The following ATAD2B variants were observed in gnomAD, a reference collection of about 807,000 sequenced individuals.
The protein encoded by ATAD2B is ATPase family AAA domain-containing protein 2B.
ATAD2B carries 40 observed loss-of-function variants against 167.6 expected under a neutral mutation model. The ratio of observed to expected loss-of-function variants is 0.24; its 90% CI spans 0.19 to 0.31. The LOEUF (loss-of-function observed/expected upper bound fraction) is 0.31, where lower values mean the gene tolerates loss of function less well. Ranked by LOEUF, ATAD2B falls within the 10% of genes least tolerant of loss-of-function variation. The pLI is 1.00. For synonymous variants in ATAD2B, 579 were observed against 596.5 expected, an observed-to-expected ratio of 0.97 and a Z score of 0.43; for missense variants, 1,242 against 1,757.2, an observed-to-expected ratio of 0.71 and a Z score of 5.24.
intron 1 of ATAD2B, among the ~76,000 whole-genome samples, chr2:23,900,110 G>A (rs954356598): frequency 8.6e-5 from 13 of 151,124 alleles, no homozygotes; most frequent in Non-Finnish European, 1.3e-4. Flanking sequence ...TAGAGACAGC[G>A]TTTCACTGTG....
Position 23,757,611 on chromosome 2 carries a change from G to A in ATAD2B, c.3885C>T (p.Phe1295=). 6.2e-7 allele frequency: 1 copy of A among 1,613,738 alleles called. No individual in the cohort carries two copies. The highest frequency in any genetic ancestry group is 1.6e-4 in the Middle Eastern group (1 of 6,062). Residue 1295 remains phenylalanine (F), a synonymous_variant, in exon 25 of 28, where the codon TTC becomes TTT. Coordinates refer to ENST00000238789, the MANE Select transcript of ATAD2B (RefSeq NM_017552.4). ...CQNGKLEVVS[F]CDSGDKCSSE... is the part of the protein sequence containing the mutation. ...AACTACATTTATCTCCACTATCACA[G>A]AAAGAAACTACTTCAAGCTTGCCAT...
chr2:23,808,034 G>A (rs60131856), intron 18 of ATAD2B, among the ~76,000 whole-genome samples: 1 of 29,788 alleles, frequency 3.4e-5, no homozygotes, highest in Non-Finnish European at 6.6e-5. Flanking sequence ...TATTATATAT[G>A]TAATTTATTT....
At chr2:23,820,530 C>T (rs1687282349) in intron 16 of ATAD2B, among the ~76,000 whole-genome samples, 1 of 152,152 alleles carries the variant, frequency 6.6e-6, no homozygotes, top group Non-Finnish European at 1.5e-5. Context: ...GTATGAACAG[C>T]TGTTGCTATA....
intron 8 of ATAD2B, chr2:23,872,636 G>C: frequency 7.4e-7 from 1 of 1,343,982 alleles, no homozygotes; most frequent in South Asian, 1.2e-5. Context: ...AGGCTCCATC[G>C]GAGGTGGTGG....
intron 7 of ATAD2B, among the ~76,000 whole-genome samples, 185 bp from the exon 8 acceptor site, chr2:23,876,089 G>A (rs1696781692): frequency 6.8e-6 from 1 of 147,216 alleles, no homozygotes; most frequent in Admixed American, 6.8e-5. Flanking sequence ...TCCCTCCTAA[G>A]TTCGAGCGAT....
chr2:23,747,606 T>C (rs1296387402), downstream of ATAD2B, among the ~76,000 whole-genome samples: 1 of 152,110 alleles, frequency 6.6e-6, no homozygotes, highest in Admixed American at 6.6e-5. Flanking sequence ...CTGAACGTTA[T>C]TGTGTCCCTT....
Position 23,752,023 on chromosome 2 carries a change from A to G in ATAD2B, c.*23T>C. 6.5e-7 allele frequency: 1 copy of G among 1,544,836 alleles called. No individual in the cohort carries two copies. The highest frequency in any genetic ancestry group is 1.2e-5 in the South Asian group (1 of 84,336). On this transcript the variant is annotated 3_prime_UTR_variant, in exon 28 of 28. Transcript: ENST00000238789. ...CTCTGTGAGGAGCAGATTGGAGAGG[A>G]TAAACCACTCATCTTGAAAAGTTCA...
At chr2:23,709,652 A>T in the ATAD2B span, among the ~76,000 whole-genome samples, 1 of 151,950 alleles carries the variant, frequency 6.6e-6, no homozygotes, top group Non-Finnish European at 1.5e-5. Context: ...AAAAAAAAAA[A>T]TCGGAAGGTG....
chr2:23,827,800 G>C (rs1188771768), intron 15 of ATAD2B: 1 of 152,662 alleles, frequency 6.6e-6, no homozygotes, highest in Non-Finnish European at 1.5e-5. Flanking sequence ...CTCCTCACCA[G>C]AAGATGTCGA....
the ATAD2B span, among the ~76,000 whole-genome samples, chr2:23,728,660 C>CA: frequency 6.6e-6 from 1 of 152,066 alleles, no homozygotes; most frequent in Non-Finnish European, 1.5e-5. Context: ...AGTCTAAAGA[C>CA]AAAAAACACT....
Position 23,926,894 on chromosome 2 carries a change from G to T in ATAD2B, c.-124C>A. On this transcript the variant is annotated 5_prime_UTR_variant, in exon 1 of 28. Coordinates refer to ENST00000238789, the MANE Select transcript of ATAD2B (RefSeq NM_017552.4). ...AATGAGAGACGAGCCGGCCCGGAGCGTGCGGAGCGCAGACGAGCACAAGAG... is the reference window on the plus strand; with the variant it reads ...AATGAGAGACGAGCCGGCCCGGAGCTTGCGGAGCGCAGACGAGCACAAGAG... 8.2e-7 allele frequency: 1 copy of T among 1,219,880 alleles called. No individual in the cohort carries two copies. The highest frequency in any genetic ancestry group is 1.1e-6 in the Non-Finnish European group (1 of 907,252). The allele number at this position is 1,219,880 out of a possible 1,614,324, so 75.6% of individuals were successfully genotyped here. A position where few individuals can be genotyped will look rare whatever the true frequency, so the allele number is the denominator to read the frequency against.
chr2:23,865,554 G>A (rs2150056822), intron 10 of ATAD2B, among the ~76,000 whole-genome samples: 1 of 151,350 alleles, frequency 6.6e-6, no homozygotes. Flanking sequence ...AAGTTTAAAT[G>A]GCTTTAAAAA....
chr2:23,826,170 T>G (rs574582532), intron 15 of ATAD2B, among the ~76,000 whole-genome samples: 2 of 152,264 alleles, frequency 1.3e-5, no homozygotes, highest in Admixed American at 6.5e-5. Flanking sequence ...AAATCATATG[T>G]GCATTTCAAG....
At chr2:23,730,657 C>T in the ATAD2B span, among the ~76,000 whole-genome samples, 1 of 71,126 alleles carries the variant, frequency 1.4e-5, no homozygotes, top group Non-Finnish European at 2.5e-5. Context: ...CAGAGCAAGA[C>T]TCCGTTTCAA....
chr2:23,717,207 G>C, the ATAD2B span, among the ~76,000 whole-genome samples: 6 of 152,190 alleles, frequency 3.9e-5, no homozygotes, highest in African/African-American at 1.4e-4. Flanking sequence ...GTGTGAGGAA[G>C]AAAGTAGAGA....
In ATAD2B at chr2:23,864,920, C is replaced by A. The variant is rs1318506577; in HGVS notation, c.1193G>T (p.Arg398Leu). 2.6e-6 allele frequency: 4 copies of A among 1,555,328 alleles called. No homozygotes were observed. Among genetic ancestry groups the A allele is most frequent in the Non-Finnish European group, 3.5e-6 (4 of 1,156,642 alleles). ...VDPMNIDKSV[R>L]FDSIGGLSHH... Reference sequence around the variant, plus strand: ...GCTCAATCCACCTATGCTATCAAACCGTACCTTGGAAAGAAGGGGAAAAAT... The same window carrying A: ...GCTCAATCCACCTATGCTATCAAACAGTACCTTGGAAAGAAGGGGAAAAAT... The change falls in exon 11 of 28, where the codon CGG becomes CTG. Residue 398 changes from arginine to leucine, a missense_variant. This residue lies in a region of ATAD2B where 127 missense variants were observed against 146.3 expected (regional missense o/e 0.87). Coordinates refer to ENST00000238789, the MANE Select transcript of ATAD2B (RefSeq NM_017552.4).
intron 1 of ATAD2B, among the ~76,000 whole-genome samples, chr2:23,921,810 C>T (rs1232012167): frequency 1.3e-5 from 2 of 152,108 alleles, no homozygotes; most frequent in African/African-American, 4.8e-5. Context: ...TATTGTACTC[C>T]ATGTAAATCT....
the ATAD2B span, among the ~76,000 whole-genome samples, chr2:23,679,910 C>T: frequency 0.13 from 20,361 of 151,836 alleles, 1,509 homozygotes; most frequent in South Asian, 0.17. Flanking sequence ...GCGGAGGGGA[C>T]GGAGACTTGG....
the ATAD2B span, among the ~76,000 whole-genome samples, chr2:23,720,823 T>C: frequency 4.6e-5 from 7 of 152,068 alleles, no homozygotes; most frequent in African/African-American, 1.7e-4. Flanking sequence ...CTGCCCCAGA[T>C]TAGGAACACA....
Sources: gnomAD v4.1 joint callset for allele counts (sites outside exome capture counted in the v4.1 genomes callset) on GRCh38, gnomAD v4.1.1 for gene constraint, gnomAD v4.1.1 regional missense constraint, MANE v1.5 for transcripts, NCBI Gene and HGNC (gene_info 2026-07-23, HGNC 2026-07-21) for gene names.